The following GRIK4 variants were observed in gnomAD, a reference collection of about 807,000 sequenced individuals.
The protein encoded by GRIK4 is glutamate ionotropic receptor kainate type subunit 4, also known as glutamate receptor ionotropic, kainate 4.
GRIK4 carries 40 observed loss-of-function variants against 104.9 expected under a neutral mutation model. The observed-to-expected ratio is 0.38, with a 90% CI of 0.30 to 0.50. The LOEUF is 0.50. Ranked by LOEUF, GRIK4 falls within the 20% of genes least tolerant of loss-of-function variation. The pLI is 0.93. For synonymous variants in GRIK4, 485 were observed against 524.9 expected (o/e 0.92, Z 1.04); for missense variants, 1,047 against 1,308.1 (o/e 0.80, Z 3.08).
At chr11:120,658,721 A>T (rs1949756507) in intron 2 of GRIK4, among the ~76,000 whole-genome samples, 1 of 119,396 alleles carries the variant, frequency 8.4e-6, no homozygotes, top group Admixed American at 9.7e-5. Flanking sequence ...GGGTTGGAGG[A>T]CGAAACTTTT....
chr11:120,591,148 G>A (rs886220390), intron 1 of GRIK4, among the ~76,000 whole-genome samples: 2 of 151,800 alleles, frequency 1.3e-5, no homozygotes, highest in African/African-American at 4.8e-5. Flanking sequence ...TGAATTTATC[G>A]TCTCTGCTTC....
At chr11:120,690,619 C>T (rs1180961525) in intron 3 of GRIK4, among the ~76,000 whole-genome samples, 1 of 152,230 alleles carries the variant, frequency 6.6e-6, no homozygotes, top group East Asian at 1.9e-4. Context: ...AGTGAGAATA[C>T]CACCTGAGCA....
chr11:120,582,235 T>C (rs1948593289), intron 1 of GRIK4, among the ~76,000 whole-genome samples: 1 of 151,364 alleles, frequency 6.6e-6, no homozygotes, highest in Admixed American at 6.6e-5. Flanking sequence ...AATAACAGTC[T>C]TTGTTTCTTT....
At chr11:120,776,709 G>T (rs1952050189) in intron 3 of GRIK4, among the ~76,000 whole-genome samples, 1 of 152,166 alleles carries the variant, frequency 6.6e-6, no homozygotes, top group African/African-American at 2.4e-5. Flanking sequence ...GCCATCCCAA[G>T]GCTTGACTGG....
intron 3 of GRIK4, among the ~76,000 whole-genome samples, chr11:120,781,046 T>A (rs1351292069): frequency 1.3e-5 from 2 of 152,020 alleles, no homozygotes; most frequent in African/African-American, 2.4e-5. Flanking sequence ...CTGGCCACAT[T>A]ATCCGTTTTT....
intron 8 of GRIK4, among the ~76,000 whole-genome samples, chr11:120,841,811 A>G (rs1953723479): frequency 6.6e-6 from 1 of 152,192 alleles, no homozygotes. Flanking sequence ...AGCCATCTCG[A>G]TGGGTGTCAA....
intron 1 of GRIK4, among the ~76,000 whole-genome samples, chr11:120,561,001 T>A (rs1289556105): frequency 6.6e-6 from 1 of 152,190 alleles, no homozygotes; most frequent in African/African-American, 2.4e-5. Flanking sequence ...AATGCGGAAA[T>A]GTTAGGGCTG....
At chr11:120,877,944 C>T (rs1954862991) in intron 11 of GRIK4, among the ~76,000 whole-genome samples, 1 of 152,200 alleles carries the variant, frequency 6.6e-6, no homozygotes, top group Non-Finnish European at 1.5e-5. Context: ...GCCCTGATCC[C>T]ACTCTCCACT....
chr11:120,739,988 C>T (rs1440678414), intron 3 of GRIK4, among the ~76,000 whole-genome samples: 1 of 152,220 alleles, frequency 6.6e-6, no homozygotes, highest in Non-Finnish European at 1.5e-5. Context: ...ACCTCATCCA[C>T]CAGGGCAGCC....
Position 120,604,482 on chromosome 11 carries a change from A to G in GRIK4, c.-158-49203A>G, listed in dbSNP as rs114003070. Among the ~76,000 whole-genome samples, 1,118 of 152,368 alleles carry G rather than the reference A, an allele frequency of 7.3e-3. 20 individuals carry two copies. The highest frequency in any genetic ancestry group is 0.025 in the African/African-American group (1,049 of 41,586). ...TCCAGATGGGCTGGCCGGCAGGTTT[A>G]AGACCTCACTGGGCTTGTGCCCAGA... is the stretch of plus-strand genomic sequence containing the variant. On this transcript the variant is annotated intron_variant, in intron 1 of 20. Transcript: ENST00000527524.
chr11:120,694,714 A>C (rs924699205), intron 3 of GRIK4, among the ~76,000 whole-genome samples: 3 of 152,214 alleles, frequency 2.0e-5, no homozygotes, highest in Non-Finnish European at 2.9e-5. Context: ...CCTGGGATGC[A>C]GCAGAGCTCC....
rs1947760079 is a variant in GRIK4 at position 120,518,757 on chromosome 11, T to C, written c.-159+6870T>C. 2.0e-5 allele frequency among the ~76,000 whole-genome samples: 3 copies of C among 152,184 alleles called. No individual in the cohort carries two copies. The South Asian group carries it at 6.2e-4, about 32-fold the overall frequency. On this transcript the variant is annotated intron_variant, in intron 1 of 20. Transcript: ENST00000527524. ...CCTCAGCCTCCTGAGTAGCTGGAAT[T>C]ACAGGTGCCCAATACCACCCCCGGC...
At chr11:120,550,436 A>G (rs1311002090) in intron 1 of GRIK4, among the ~76,000 whole-genome samples, 1 of 151,870 alleles carries the variant, frequency 6.6e-6, no homozygotes, top group African/African-American at 2.4e-5. Flanking sequence ...GCAGTTGGAT[A>G]TCATCAGTCT....
chr11:120,697,381 T>C (rs12295200), intron 3 of GRIK4, among the ~76,000 whole-genome samples: 16,385 of 152,216 alleles, frequency 0.11, 945 homozygotes, highest in South Asian at 0.15. Context: ...CTTGGGAGGC[T>C]GAGGCAGGAG....
intron 4 of GRIK4, among the ~76,000 whole-genome samples, chr11:120,811,715 ATTAT>A (rs1314020070): frequency 2.0e-5 from 3 of 152,188 alleles, no homozygotes; most frequent in African/African-American, 7.2e-5. Context: ...GTCTCTTAGT[ATTAT>A]TAAATAAATA....
chr11:120,923,603 CG>C (rs937267959), intron 13 of GRIK4, among the ~76,000 whole-genome samples: 23 of 151,988 alleles, frequency 1.5e-4, no homozygotes, highest in Middle Eastern at 3.4e-3. Context: ...GTAGTAGAGA[CG>C]GGGTTTCACC....
At chr11:120,955,371 G>A (rs1005988468) in intron 15 of GRIK4, among the ~76,000 whole-genome samples, 2 of 152,342 alleles carry the variant, frequency 1.3e-5, no homozygotes, top group Admixed American at 6.5e-5. Flanking sequence ...GGATGGAAAC[G>A]GGAGGCAGCG....
intron 3 of GRIK4, among the ~76,000 whole-genome samples, chr11:120,712,957 A>AG (rs1279122087): frequency 6.6e-6 from 1 of 152,172 alleles, no homozygotes; most frequent in African/African-American, 2.4e-5. Flanking sequence ...TCCTTTTGAA[A>AG]GGAATGACAA....
chr11:120,684,733 C>A (rs1182600426), intron 3 of GRIK4, among the ~76,000 whole-genome samples: 1 of 150,916 alleles, frequency 6.6e-6, no homozygotes, highest in Non-Finnish European at 1.5e-5. Flanking sequence ...TTTTTGGAGA[C>A]GGAGTCTCGC....
Sources: gnomAD v4.1 joint callset for allele counts (sites outside exome capture counted in the v4.1 genomes callset) on GRCh38, gnomAD v4.1.1 for gene constraint, MANE v1.5 for transcripts, NCBI Gene and HGNC (gene_info 2026-07-23, HGNC 2026-07-21) for gene names.